The following GLRA3 variants were observed in gnomAD, a reference collection of about 807,000 sequenced individuals.
The protein encoded by GLRA3 is glycine receptor subunit alpha-3.
GLRA3 carries 44 observed loss-of-function variants against 60.4 expected under a neutral mutation model. The observed-to-expected ratio is 0.73, with a 90% confidence interval of 0.57 to 0.94. GLRA3 has a LOEUF of 0.94. Among genes scored for constraint, GLRA3 ranks in the 40% least tolerant of loss-of-function variants. The pLI, the probability that GLRA3 is intolerant of heterozygous loss-of-function variation, is 0.00. For missense variants in GLRA3, 508 were observed against 564.6 expected (o/e 0.90, Z 1.02); for synonymous variants, 223 against 192.9 (o/e 1.16, Z -1.29).
At chr4:174,683,704 T>C (rs1365826505) in intron 5 of GLRA3, among the ~76,000 whole-genome samples, 2 of 152,192 alleles carry the variant, frequency 1.3e-5, no homozygotes, top group Non-Finnish European at 2.9e-5. Context: ...CTTAATTATA[T>C]ACAGATTGCT....
chr4:174,812,569 A>G (rs1040565630), intron 1 of GLRA3, among the ~76,000 whole-genome samples: 2 of 152,170 alleles, frequency 1.3e-5, no homozygotes, highest in African/African-American at 4.8e-5. Context: ...AAAGCAGAAA[A>G]AAAGAGTCTA....
intron 3 of GLRA3, among the ~76,000 whole-genome samples, chr4:174,751,859 T>C (rs1376850934): frequency 6.6e-6 from 1 of 152,016 alleles, no homozygotes; most frequent in Non-Finnish European, 1.5e-5. Flanking sequence ...ACAGAGCATA[T>C]AAATAAATTT....
chr4:174,711,821 G>A (rs1735730101), intron 5 of GLRA3, among the ~76,000 whole-genome samples: 1 of 151,824 alleles, frequency 6.6e-6, no homozygotes, highest in Non-Finnish European at 1.5e-5. Context: ...AATTATTCTG[G>A]ACTTTTTCAA....
At chr4:174,681,427 T>C (rs1734337036) in intron 6 of GLRA3, among the ~76,000 whole-genome samples, 2 of 152,156 alleles carry the variant, frequency 1.3e-5, no homozygotes, top group African/African-American at 2.4e-5. Flanking sequence ...GAAATTGTCC[T>C]GGATAAGAGG....
intron 7 of GLRA3, among the ~76,000 whole-genome samples, chr4:174,663,619 G>A (rs897809797): frequency 2.0e-5 from 3 of 152,128 alleles, no homozygotes; most frequent in East Asian, 3.9e-4. Flanking sequence ...TCATCTCTTC[G>A]AACCCCTTCA....
chr4:174,727,434 C>T (rs76472442), intron 4 of GLRA3, among the ~76,000 whole-genome samples: 7,595 of 152,178 alleles, frequency 0.05, 216 homozygotes, highest in South Asian at 0.1. Flanking sequence ...ATTAAGCCTA[C>T]CTTGATACCT....
In GLRA3 at chr4:174,712,140, C is replaced by G. The variant is rs145635458; in HGVS notation, c.574+3348G>C. Reference sequence around the variant, plus strand: ...CCTCTAACTAGGAATTTTGTATCATCCATGGTTTCAATTATAAGTCATAAA... The same window carrying G: ...CCTCTAACTAGGAATTTTGTATCATGCATGGTTTCAATTATAAGTCATAAA... On this transcript the variant is annotated intron_variant, in intron 5 of 9. Coordinates refer to ENST00000274093, the MANE Select transcript of GLRA3 (RefSeq NM_006529.4). Among the ~76,000 whole-genome samples the G allele has an allele frequency of 1.9e-3, 284 of 152,082 alleles. 1 individual carries two copies. The highest frequency in any genetic ancestry group is 6.5e-3 in the African/African-American group (269 of 41,496).
intron 2 of GLRA3, among the ~76,000 whole-genome samples, chr4:174,772,759 T>A (rs1738441884): frequency 6.6e-6 from 1 of 152,128 alleles, no homozygotes; most frequent in African/African-American, 2.4e-5. Flanking sequence ...GTGTAGGAAC[T>A]AACATGACTC....
At chr4:174,800,237 C>T (rs1426464569) in intron 1 of GLRA3, among the ~76,000 whole-genome samples, 1 of 151,604 alleles carries the variant, frequency 6.6e-6, no homozygotes, top group East Asian at 1.9e-4. Context: ...AAAATAAATG[C>T]AAAAAGAAAA....
chr4:174,643,718 A>G lies in GLRA3; in HGVS notation c.*68T>C. 2.6e-6 allele frequency: 4 copies of G among 1,557,096 alleles called. 1 individual carries two copies. The South Asian group carries it at 3.7e-5, about 14-fold the overall frequency. ...TTGTATACCACACGCACACATATAC[A>G]CATACACACCTATGGCAGAGACACT... On this transcript the variant is annotated 3_prime_UTR_variant, in exon 10 of 10. Transcript: ENST00000274093.
intron 1 of GLRA3, among the ~76,000 whole-genome samples, chr4:174,793,820 TATCTATC>T (rs1218596567): frequency 2.0e-5 from 3 of 152,188 alleles, no homozygotes; most frequent in African/African-American, 7.2e-5. Context: ...GGAATAATTC[TATCTATC>T]ATCTATCTTT....
At chr4:174,663,245 T>C (rs1733523075) in intron 7 of GLRA3, among the ~76,000 whole-genome samples, 1 of 152,166 alleles carries the variant, frequency 6.6e-6, no homozygotes, top group Admixed American at 6.5e-5. Context: ...TCCAGTGCTG[T>C]ATCAAATGTC....
At chr4:174,691,350 A>G (rs559686990) in intron 5 of GLRA3, among the ~76,000 whole-genome samples, 1 of 152,076 alleles carries the variant, frequency 6.6e-6, no homozygotes, top group African/African-American at 2.4e-5. Flanking sequence ...CTTCTTTTGA[A>G]AAGTGTCTGT....
rs201544766 is a variant in GLRA3 at position 174,642,334 on chromosome 4, A to T, written c.*1452T>A. Reference sequence around the variant, plus strand: ...GTACATCTGAGTTCATTGTTTTCTTAATCTTTAAAGTTTTCTCTGTGAATA... The same window carrying T: ...GTACATCTGAGTTCATTGTTTTCTTTATCTTTAAAGTTTTCTCTGTGAATA... On this transcript the variant is annotated 3_prime_UTR_variant, in exon 10 of 10. Coordinates refer to ENST00000274093, the MANE Select transcript of GLRA3 (RefSeq NM_006529.4). The T allele has an allele frequency of 2.9e-6, 1 of 339,076 alleles. No individual in the cohort carries two copies. Among genetic ancestry groups the T allele is most frequent in the South Asian group, 1.8e-4 (1 of 5,510 alleles). 21.0% of individuals were successfully genotyped at this position (339,076 alleles called of 1,614,324 possible).
intron 3 of GLRA3, among the ~76,000 whole-genome samples, chr4:174,729,892 A>T (rs1736486542): frequency 6.6e-6 from 1 of 152,222 alleles, no homozygotes; most frequent in Admixed American, 6.5e-5. Flanking sequence ...AACCAATCAC[A>T]ACGGATGCTT....
At chr4:174,665,233 T>C (rs1172214367) in intron 7 of GLRA3, among the ~76,000 whole-genome samples, 2 of 84,244 alleles carry the variant, frequency 2.4e-5, no homozygotes, top group Non-Finnish European at 4.6e-5. Flanking sequence ...CTGCTTTGTA[T>C]TTACTTTTTT....
At chr4:174,662,800 T>C (rs1367151886) in intron 7 of GLRA3, among the ~76,000 whole-genome samples, 4 of 151,934 alleles carry the variant, frequency 2.6e-5, no homozygotes, top group African/African-American at 9.7e-5. Context: ...CCCTAACACA[T>C]TGCATTGGAA....
intron 3 of GLRA3, among the ~76,000 whole-genome samples, chr4:174,754,977 G>T (rs939124306): frequency 6.6e-6 from 1 of 152,012 alleles, no homozygotes; most frequent in African/African-American, 2.4e-5. Flanking sequence ...TACACTGAAA[G>T]ATTTGAATAA....
intron 1 of GLRA3, among the ~76,000 whole-genome samples, chr4:174,817,910 G>T (rs923536006): frequency 1.3e-5 from 2 of 151,986 alleles, no homozygotes; most frequent in African/African-American, 4.8e-5. Context: ...CCTGACCAAG[G>T]TTACCAATAT....
Sources: gnomAD v4.1 joint callset for allele counts (sites outside exome capture counted in the v4.1 genomes callset) on GRCh38, gnomAD v4.1.1 for gene constraint, MANE v1.5 for transcripts, NCBI Gene and HGNC (gene_info 2026-07-23, HGNC 2026-07-21) for gene names.